Variants in ALDH1A2 observed in about 807,000 individuals in gnomAD.
The protein encoded by ALDH1A2 is aldehyde dehydrogenase 1 family member A2, also known as retinal dehydrogenase 2.
In ALDH1A2, 27 loss-of-function variants were observed where a neutral mutation model predicts 60.3. That is an observed-to-expected ratio of 0.45 (90% confidence interval 0.33 to 0.62). The LOEUF (loss-of-function observed/expected upper bound fraction) is 0.62, where lower values mean the gene tolerates loss of function less well. Ranked by LOEUF, ALDH1A2 falls within the 20% of genes least tolerant of loss-of-function variation. The pLI, the probability that ALDH1A2 is intolerant of heterozygous loss-of-function variation, is 0.02. For missense variants in ALDH1A2, 581 were observed against 643.8 expected (o/e 0.90, Z 1.06); for synonymous variants, 289 against 232.4 (o/e 1.24, Z -2.21).
chr15:58,062,768 C>A (rs551087366), intron 1 of ALDH1A2, among the ~76,000 whole-genome samples: 1 of 152,220 alleles, frequency 6.6e-6, no homozygotes, highest in Admixed American at 6.5e-5. Flanking sequence ...TAGGGAAATA[C>A]AAATAGACAT....
At chr15:58,012,066 T>C (rs1425758070) in intron 3 of ALDH1A2, 2 of 152,228 alleles carry the variant, frequency 1.3e-5, no homozygotes, top group African/African-American at 4.8e-5. Context: ...TTCCACAGGC[T>C]ACCTCTTACT....
At chr15:57,985,410 C>T (rs1894664673) in intron 7 of ALDH1A2, among the ~76,000 whole-genome samples, 1 of 152,172 alleles carries the variant, frequency 6.6e-6, no homozygotes, top group Non-Finnish European at 1.5e-5. Flanking sequence ...TACAAACTAA[C>T]ATTTGCTTAC....
At chr15:58,065,298 C>T (rs1025961491) in intron 1 of ALDH1A2, 1 of 556,470 alleles carries the variant, frequency 1.8e-6, no homozygotes, top group Non-Finnish European at 3.2e-6. Context: ...GACGGCTGCC[C>T]CTCAACGCTG....
intron 1 of ALDH1A2, among the ~76,000 whole-genome samples, chr15:58,045,770 T>C (rs535793780): frequency 6.6e-6 from 1 of 151,936 alleles, no homozygotes; most frequent in Admixed American, 6.6e-5. Context: ...GTATGGTACG[T>C]GTATACCTAT....
At chr15:57,963,534 A>G (rs1812889) in intron 9 of ALDH1A2, among the ~76,000 whole-genome samples, 71,943 of 151,218 alleles carry the variant, frequency 0.48, 17,455 homozygotes, top group Non-Finnish European at 0.53. Flanking sequence ...TAGTAGAGAC[A>G]GGGTTTCACC....
At position 58,008,132 on chromosome 15, in the gene ALDH1A2, G is replaced by A. The variant is rs189704984; in HGVS notation, c.493+2517C>T. Among the ~76,000 whole-genome samples the A allele has an allele frequency of 2.0e-5, 3 of 152,176 alleles. No homozygotes were observed. The East Asian group carries it at 5.8e-4, about 30-fold the overall frequency. On this transcript the variant is annotated intron_variant, in intron 4 of 12. Coordinates refer to ENST00000249750, the MANE Select transcript of ALDH1A2 (RefSeq NM_003888.4). The stretch of plus-strand genomic sequence containing the variant: ...CCTCATCTGTTTGAGACACCATGGA[G>A]AGAGCTCTTATGACCCAAACTTCAG...
At chr15:58,005,825 C>T (rs1895431206) in intron 4 of ALDH1A2, among the ~76,000 whole-genome samples, 1 of 151,796 alleles carries the variant, frequency 6.6e-6, no homozygotes, top group Non-Finnish European at 1.5e-5. Flanking sequence ...GCAGGGAGAT[C>T]CCCACCTCAA....
intron 8 of ALDH1A2, chr15:57,964,726 T>A (rs1893838872): frequency 6.5e-6 from 1 of 152,844 alleles, no homozygotes; most frequent in Non-Finnish European, 1.5e-5. Context: ...CTCTTCCATA[T>A]TCATCCCTTA....
chr15:58,051,950 A>G (rs1475178902), intron 1 of ALDH1A2, among the ~76,000 whole-genome samples: 1 of 152,156 alleles, frequency 6.6e-6, no homozygotes, highest in Non-Finnish European at 1.5e-5. Flanking sequence ...AGGAGAAATG[A>G]CAACAAATAT....
intron 1 of ALDH1A2, chr15:58,036,491 T>C (rs1173345197): frequency 1.3e-5 from 2 of 151,540 alleles, no homozygotes; most frequent in Admixed American, 1.3e-4. Flanking sequence ...CAACCACTTT[T>C]TAACATTAAG....
chr15:58,031,915 A>G (rs1896251170), intron 1 of ALDH1A2, among the ~76,000 whole-genome samples: 1 of 152,180 alleles, frequency 6.6e-6, no homozygotes, highest in Non-Finnish European at 1.5e-5. Flanking sequence ...TGGGACTGTA[A>G]ACTAGTTCAA....
Position 58,043,983 on chromosome 15 carries a change from A to G in ALDH1A2, c.117+21551T>C, listed in dbSNP as rs368810932. ...TCAAAAGAAGTCCAATGGCTTGACC[A>G]AGGCCACATACCCCGGATTTGTGGC... On this transcript the variant is annotated intron_variant, in intron 1 of 12. Transcript: ENST00000249750. Among the ~76,000 whole-genome samples, 32 of 152,104 alleles carry G rather than the reference A, an allele frequency of 2.1e-4. No homozygotes were observed. The East Asian group carries it at 5.6e-3, about 27-fold the overall frequency.
chr15:58,065,480 C>A, intron 1 of ALDH1A2, 54 bp downstream of exon 1: 1 of 1,455,542 alleles, frequency 6.9e-7, no homozygotes, highest in South Asian at 1.1e-5. Context: ...TCGGGGAAAC[C>A]GAAGAAGGTT....
chr15:57,996,872 T>C (rs1391099123), intron 4 of ALDH1A2, among the ~76,000 whole-genome samples: 2 of 152,074 alleles, frequency 1.3e-5, no homozygotes, highest in African/African-American at 2.4e-5. Context: ...CAACTTGTTT[T>C]GATTTATGTT....
chr15:58,047,365 C>T (rs1896662735), intron 1 of ALDH1A2, among the ~76,000 whole-genome samples: 1 of 151,850 alleles, frequency 6.6e-6, no homozygotes, highest in African/African-American at 2.4e-5. Flanking sequence ...GAGTACCAGA[C>T]AGCAAATCAA....
At chr15:58,039,303 A>C (rs1311488125) in intron 1 of ALDH1A2, among the ~76,000 whole-genome samples, 2 of 151,676 alleles carry the variant, frequency 1.3e-5, no homozygotes, top group African/African-American at 4.8e-5. Flanking sequence ...GCCTAGCTCT[A>C]AATCAGCAAA....
At chr15:57,965,314 C>G (rs1400417478) in intron 8 of ALDH1A2, among the ~76,000 whole-genome samples, 1 of 152,178 alleles carries the variant, frequency 6.6e-6, no homozygotes, top group Non-Finnish European at 1.5e-5. Context: ...TTGGAAAATG[C>G]TGGCAGGGCT....
intron 10 of ALDH1A2, 121 bp from the exon 11 acceptor site, chr15:57,961,415 A>G: frequency 8.0e-7 from 1 of 1,242,810 alleles, no homozygotes; most frequent in Non-Finnish European, 1.1e-6. Context: ...TAGCAGTACA[A>G]AACTGTAAAA....
intron 7 of ALDH1A2, among the ~76,000 whole-genome samples, chr15:57,991,114 G>T (rs376417062): frequency 7.2e-5 from 11 of 152,136 alleles, no homozygotes; most frequent in Non-Finnish European, 1.5e-4. Context: ...TTAAAGTGAA[G>T]TAAGGACTTA....
Sources: gnomAD v4.1 joint callset for allele counts (sites outside exome capture counted in the v4.1 genomes callset) on GRCh38, gnomAD v4.1.1 for gene constraint, MANE v1.5 for transcripts, NCBI Gene and HGNC (gene_info 2026-07-23, HGNC 2026-07-21) for gene names.